IGF1R: variants seen among roughly 807,000 people sequenced by gnomAD.
IGF1R encodes the protein insulin like growth factor 1 receptor.
IGF1R carries 44 observed loss-of-function variants against 144.6 expected under a neutral mutation model. That is an observed-to-expected ratio of 0.30 (90% CI 0.24 to 0.39). The LOEUF is 0.39. Among genes scored for constraint, IGF1R ranks in the 10% least tolerant of loss-of-function variants. The pLI, the probability that IGF1R is intolerant of heterozygous loss-of-function variation, is 1.00. For missense variants in IGF1R, 1,355 were observed against 1,833.7 expected, an observed-to-expected ratio of 0.74 and a Z score of 4.77; for synonymous variants, 795 against 722.8, an observed-to-expected ratio of 1.10 and a Z score of -1.60.
At chr15:98,672,338 G>C (rs1310031691) in intron 1 of IGF1R, among the ~76,000 whole-genome samples, 1 of 152,180 alleles carries the variant, frequency 6.6e-6, no homozygotes, top group East Asian at 1.9e-4. Flanking sequence ...GCCGAGGCGG[G>C]CGGATCACCT....
At chr15:98,767,919 G>A (rs1219831774) in intron 2 of IGF1R, among the ~76,000 whole-genome samples, 1 of 152,126 alleles carries the variant, frequency 6.6e-6, no homozygotes, top group Non-Finnish European at 1.5e-5. Context: ...GTTTGTGTGT[G>A]GGGTGATGTT....
At chr15:98,759,172 A>G (rs908986612) in intron 2 of IGF1R, among the ~76,000 whole-genome samples, 1 of 152,190 alleles carries the variant, frequency 6.6e-6, no homozygotes, top group Non-Finnish European at 1.5e-5. Context: ...GGCAGGGGGC[A>G]CTTCTTCACT....
intron 15 of IGF1R, among the ~76,000 whole-genome samples, chr15:98,931,290 G>C (rs1457057993): frequency 2.6e-5 from 4 of 152,198 alleles, no homozygotes; most frequent in African/African-American, 4.8e-5. Flanking sequence ...TTTAGAAAAA[G>C]TGTTTGCTGT....
Position 98,958,948 on chromosome 15 carries a change from T to C in IGF1R, c.*1506T>C, listed in dbSNP as rs1423827830. The C allele has an allele frequency of 8.6e-6, 2 of 233,378 alleles. No individual in the cohort carries two copies. The highest frequency in any genetic ancestry group is 8.5e-6 in the Non-Finnish European group (1 of 118,056). The allele number at this position is 233,378 out of a possible 1,614,324, so 14.5% of individuals were successfully genotyped here. Reference sequence around the variant, plus strand: ...CTCCCACCTGCCCCTTTAGTTGTTTTCTAACCCGTAGGCTCTCTGGGCACG... The same window carrying C: ...CTCCCACCTGCCCCTTTAGTTGTTTCCTAACCCGTAGGCTCTCTGGGCACG... On this transcript the variant is annotated 3_prime_UTR_variant, in exon 21 of 21. Coordinates refer to ENST00000650285, the MANE Select transcript of IGF1R (RefSeq NM_000875.5).
intron 2 of IGF1R, among the ~76,000 whole-genome samples, chr15:98,752,092 G>A (rs1430912698): frequency 1.3e-5 from 2 of 152,142 alleles, no homozygotes; most frequent in Non-Finnish European, 1.5e-5. Flanking sequence ...GTGCTGAGTT[G>A]AGGTGGCCCC....
intron 2 of IGF1R, among the ~76,000 whole-genome samples, chr15:98,758,274 C>T (rs910059471): frequency 7.9e-5 from 12 of 151,774 alleles, no homozygotes; most frequent in Admixed American, 6.6e-5. Context: ...CTCTTAGACT[C>T]CTCTTCCCGT....
intron 1 of IGF1R, among the ~76,000 whole-genome samples, chr15:98,667,631 G>T (rs1005429649): frequency 1.3e-5 from 2 of 151,988 alleles, no homozygotes; most frequent in African/African-American, 4.8e-5. Context: ...CAGGGCTCAG[G>T]CCTGGACCTG....
intron 2 of IGF1R, among the ~76,000 whole-genome samples, chr15:98,752,593 G>T (rs2055039435): frequency 6.6e-6 from 1 of 152,072 alleles, no homozygotes; most frequent in South Asian, 2.1e-4. Context: ...TGAGGCAGGA[G>T]AATGGCATGA....
At chr15:98,860,010 G>C (rs1382676371) in intron 2 of IGF1R, among the ~76,000 whole-genome samples, 3 of 152,118 alleles carry the variant, frequency 2.0e-5, no homozygotes, top group Non-Finnish European at 2.9e-5. Flanking sequence ...TCACCTCCCG[G>C]GTTCAAGCAA....
Position 98,913,293 on chromosome 15 carries a change from C to G in IGF1R, c.1828+11C>G. 3.1e-6 allele frequency: 5 copies of G among 1,597,794 alleles called. No individual in the cohort carries two copies. The highest frequency in any genetic ancestry group is 4.3e-6 in the Non-Finnish European group (5 of 1,165,270). On this transcript the variant is annotated intron_variant, in intron 8 of 20. Transcript: ENST00000650285. ...GCACCAATGCTTCAGGTATCCATGC[C>G]TAGACAAGCCCCCAGCATCCACACT...
Position 98,803,167 on chromosome 15 carries a change from A to G in IGF1R, c.641-88158A>G, listed in dbSNP as rs557047040. ...TGCCAGCATCATACAGCGTACTTTC[A>G]CAAACTTAGTTGATACAGCCTACTA... is the stretch of plus-strand genomic sequence containing the variant. On this transcript the variant is annotated intron_variant, in intron 2 of 20. Transcript: ENST00000650285. Among the ~76,000 whole-genome samples, 3 of 152,330 alleles carry G rather than the reference A, an allele frequency of 2.0e-5. No homozygotes were observed. In the South Asian group the frequency reaches 6.2e-4, roughly 32 times the overall value.
intron 2 of IGF1R, among the ~76,000 whole-genome samples, chr15:98,781,069 C>T (rs547149109): frequency 6.6e-6 from 1 of 152,298 alleles, no homozygotes; most frequent in African/African-American, 2.4e-5. Context: ...CTACAGTGAG[C>T]CACATTTGTG....
At chr15:98,841,021 G>A (rs763077253) in intron 2 of IGF1R, among the ~76,000 whole-genome samples, 1 of 151,938 alleles carries the variant, frequency 6.6e-6, no homozygotes, top group African/African-American at 2.4e-5. Flanking sequence ...GTAGCCTCCC[G>A]AAGTGCTGGA....
At chr15:98,683,902 A>G (rs914008747) in intron 1 of IGF1R, among the ~76,000 whole-genome samples, 2 of 152,162 alleles carry the variant, frequency 1.3e-5, no homozygotes, top group African/African-American at 4.8e-5. Flanking sequence ...TGTTCACAGT[A>G]TTTGAGACGT....
At chr15:98,651,030 T>G in intron 1 of IGF1R, 1 of 985,224 alleles carries the variant, frequency 1.0e-6, no homozygotes, top group Middle Eastern at 5.2e-4. Context: ...TTGAACACGA[T>G]TAAAAGTTTA....
intron 1 of IGF1R, among the ~76,000 whole-genome samples, chr15:98,685,909 G>T (rs941477429): frequency 1.3e-5 from 2 of 152,196 alleles, no homozygotes; most frequent in South Asian, 2.1e-4. Flanking sequence ...CTACTTAAAA[G>T]AATTTTTTTA....
At chr15:98,718,660 G>A (rs185300915) in intron 2 of IGF1R, among the ~76,000 whole-genome samples, 2 of 152,378 alleles carry the variant, frequency 1.3e-5, no homozygotes, top group Admixed American at 1.3e-4. Context: ...CTGGATTTCC[G>A]GATAGATGCA....
intron 2 of IGF1R, among the ~76,000 whole-genome samples, chr15:98,883,305 G>C (rs192031982): frequency 1.3e-5 from 2 of 152,274 alleles, no homozygotes; most frequent in East Asian, 3.9e-4. Context: ...GGCTCAGTGG[G>C]GTTTTTTTCC....
In IGF1R at chr15:98,836,521, T is replaced by TAA. The variant is rs36070885; in HGVS notation, c.641-54786_641-54785dup. 1.5e-3 allele frequency among the ~76,000 whole-genome samples: 196 copies of TAA among 129,884 alleles called. 1 individual carries two copies. Among genetic ancestry groups the TAA allele is most frequent in the African/African-American group, 4.4e-3 (160 of 36,138 alleles). 85.2% of individuals were successfully genotyped at this position (129,884 alleles called of 152,430 possible). A position where few individuals can be genotyped will look rare whatever the true frequency, so the allele number is the denominator to read the frequency against. On this transcript the variant is annotated intron_variant, in intron 2 of 20. Coordinates refer to ENST00000650285, the MANE Select transcript of IGF1R (RefSeq NM_000875.5). ...GAGACAGATTAAGACCCTGTCTCTTTAAAAAAAAAAAAAAAAAAAGTTTGT... is the reference window on the plus strand; with the variant it reads ...GAGACAGATTAAGACCCTGTCTCTTTAAAAAAAAAAAAAAAAAAAAAGTTTGT...
Sources: allele counts gnomAD v4.1 joint callset (sites outside exome capture counted in the v4.1 genomes callset), GRCh38; gene constraint gnomAD v4.1.1; transcripts MANE v1.5; gene names NCBI Gene and HGNC (gene_info 2026-07-23, HGNC 2026-07-21).